NXPE4: variants seen among roughly 807,000 people sequenced by gnomAD.
The protein encoded by NXPE4 is NXPE family member 4.
A neutral mutation model predicts 33.3 loss-of-function variants in NXPE4; 42 were observed. The observed-to-expected ratio is 1.26, with a 90% confidence interval of 0.98 to 1.63. The LOEUF is 1.63. Ranked by LOEUF, NXPE4 falls within the 40% of genes most tolerant of loss-of-function variation. The probability of loss-of-function intolerance (pLI) is 0.00; values close to 1 mark genes in which losing one functional copy is unlikely to be tolerated. For synonymous variants in NXPE4, 253 were observed against 234.9 expected, an observed-to-expected ratio of 1.08 and a Z score of -0.71; for missense variants, 709 against 647.6, an observed-to-expected ratio of 1.09 and a Z score of -1.03.
chr11:114,648,723 C>A, the NXPE4 span, among the ~76,000 whole-genome samples: 1 of 152,146 alleles, frequency 6.6e-6, no homozygotes, highest in African/African-American at 2.4e-5. Flanking sequence ...ATATATGATA[C>A]AACTATCCCG....
chr11:114,665,483 A>G, the NXPE4 span, among the ~76,000 whole-genome samples: 1 of 152,176 alleles, frequency 6.6e-6, no homozygotes, highest in African/African-American at 2.4e-5. Context: ...ATCATTTCTA[A>G]AAAGGAAGGA....
chr11:114,599,394 G>A (rs967342369), upstream of NXPE4, among the ~76,000 whole-genome samples: 1 of 152,058 alleles, frequency 6.6e-6, no homozygotes, highest in Non-Finnish European at 1.5e-5. Flanking sequence ...TTATATTCTT[G>A]TCTTCTTCTG....
At chr11:114,615,739 G>A in the NXPE4 span, among the ~76,000 whole-genome samples, 12 of 146,156 alleles carry the variant, frequency 8.2e-5, no homozygotes, top group South Asian at 2.2e-4. Flanking sequence ...ACGGGTAACC[G>A]CTGTTACTCA....
At chr11:114,614,261 G>A in the NXPE4 span, among the ~76,000 whole-genome samples, 4 of 151,866 alleles carry the variant, frequency 2.6e-5, no homozygotes, top group African/African-American at 9.7e-5. Flanking sequence ...TGGATAGTAA[G>A]TATTGCTTCA....
chr11:114,636,712 C>A, the NXPE4 span, among the ~76,000 whole-genome samples: 1 of 151,968 alleles, frequency 6.6e-6, no homozygotes, highest in South Asian at 2.1e-4. Context: ...GCCTTCATTT[C>A]GTTATGTACC....
chr11:114,618,268 GATA>G, the NXPE4 span, among the ~76,000 whole-genome samples: 2 of 151,966 alleles, frequency 1.3e-5, no homozygotes, highest in South Asian at 2.1e-4. Flanking sequence ...CTACCCACTG[GATA>G]ATAAGTATTA....
chr11:114,653,649 T>A, the NXPE4 span, among the ~76,000 whole-genome samples: 1 of 148,716 alleles, frequency 6.7e-6, no homozygotes, highest in South Asian at 2.2e-4. Context: ...TGCCTTAGCC[T>A]CCCGAGTAGC....
At chr11:114,631,132 A>G in the NXPE4 span, among the ~76,000 whole-genome samples, 1 of 152,068 alleles carries the variant, frequency 6.6e-6, no homozygotes, top group African/African-American at 2.4e-5. Context: ...TCAGGGATCT[A>G]GAACTAGAAA....
the NXPE4 span, among the ~76,000 whole-genome samples, chr11:114,618,483 T>C: frequency 3.9e-5 from 6 of 152,026 alleles, no homozygotes; most frequent in African/African-American, 1.2e-4. Context: ...CTGTGGATAA[T>C]AAGTGTTGCC....
chr11:114,588,998 AAG>A (rs1201029603), intron 2 of NXPE4, among the ~76,000 whole-genome samples: 6 of 152,078 alleles, frequency 3.9e-5, no homozygotes, highest in Non-Finnish European at 8.8e-5. Context: ...ACCCAGGAAA[AAG>A]AGAGGAAACA....
chr11:114,604,294 G>A, the NXPE4 span, among the ~76,000 whole-genome samples: 23 of 151,898 alleles, frequency 1.5e-4, no homozygotes, highest in African/African-American at 2.9e-4. Context: ...GTGTTGCCTC[G>A]TGGGTAACAA....
chr11:114,666,949 A>C, the NXPE4 span, among the ~76,000 whole-genome samples: 1 of 152,264 alleles, frequency 6.6e-6, no homozygotes, highest in South Asian at 2.1e-4. Context: ...ACATCCACAC[A>C]CATATGTCCA....
chr11:114,611,015 G>A, the NXPE4 span, among the ~76,000 whole-genome samples: 2 of 150,604 alleles, frequency 1.3e-5, no homozygotes, highest in African/African-American at 4.9e-5. Flanking sequence ...ATGTTGCCTC[G>A]TGGGTCACAA....
At chr11:114,624,211 C>T in the NXPE4 span, among the ~76,000 whole-genome samples, 1 of 151,924 alleles carries the variant, frequency 6.6e-6, no homozygotes, top group African/African-American at 2.4e-5. Flanking sequence ...CCACTGTTAC[C>T]TGGTGGATGA....
At chr11:114,614,380 A>G in the NXPE4 span, among the ~76,000 whole-genome samples, 2 of 151,654 alleles carry the variant, frequency 1.3e-5, no homozygotes, top group Non-Finnish European at 1.5e-5. Context: ...TACCTGGTGG[A>G]TAATAAGTGT....
At chr11:114,668,304 C>T in the NXPE4 span, among the ~76,000 whole-genome samples, 3 of 151,868 alleles carry the variant, frequency 2.0e-5, no homozygotes, top group Non-Finnish European at 4.4e-5. Context: ...TTGTCTGCTT[C>T]CTATTTCTGC....
the NXPE4 span, among the ~76,000 whole-genome samples, chr11:114,636,645 A>G: frequency 4.6e-5 from 7 of 151,942 alleles, no homozygotes; most frequent in Non-Finnish European, 1.0e-4. Context: ...TGTGTCCCAG[A>G]GATTCTGGTA....
chr11:114,656,443 T>C, the NXPE4 span, among the ~76,000 whole-genome samples: 1 of 152,152 alleles, frequency 6.6e-6, no homozygotes, highest in Non-Finnish European at 1.5e-5. Context: ...GAATTTCGTA[T>C]GGAATCAAAG....
At chr11:114,629,545 C>G in the NXPE4 span, among the ~76,000 whole-genome samples, 1 of 151,788 alleles carries the variant, frequency 6.6e-6, no homozygotes, top group East Asian at 1.9e-4. Context: ...CTATCTATGA[C>G]AAACCCACAG....
Sources: allele counts gnomAD v4.1 joint callset (sites outside exome capture counted in the v4.1 genomes callset), GRCh38; gene constraint gnomAD v4.1.1; transcripts MANE v1.5; gene names NCBI Gene and HGNC (gene_info 2026-07-23, HGNC 2026-07-21).